Variants in TACR3 observed in about 807,000 individuals in gnomAD.
TACR3 encodes tachykinin receptor 3.
In TACR3, 34 loss-of-function variants were observed where a neutral mutation model predicts 35.0. The observed-to-expected ratio is 0.97, with a 90% CI of 0.74 to 1.30. The LOEUF (loss-of-function observed/expected upper bound fraction) is 1.30. Among genes scored for constraint, TACR3 ranks in the 50% most tolerant of loss-of-function variants. The probability of loss-of-function intolerance (pLI) is 0.00; values close to 1 mark genes in which losing one functional copy is unlikely to be tolerated. For synonymous variants in TACR3, 233 were observed against 221.1 expected, an observed-to-expected ratio of 1.05 and a Z score of -0.48; for missense variants, 558 against 591.7, an observed-to-expected ratio of 0.94 and a Z score of 0.59.
At chr4:103,704,683 A>G (rs1722746584) in intron 1 of TACR3, among the ~76,000 whole-genome samples, 1 of 152,120 alleles carries the variant, frequency 6.6e-6, no homozygotes, top group South Asian at 2.1e-4. Flanking sequence ...CCCTTGACAC[A>G]TAGGGATTAT....
chr4:103,616,897 A>T (rs1724672456), intron 3 of TACR3, among the ~76,000 whole-genome samples: 1 of 152,178 alleles, frequency 6.6e-6, no homozygotes, highest in Non-Finnish European at 1.5e-5. Flanking sequence ...GCAGTGAGCC[A>T]TGATCAGGCC....
Position 103,589,631 on chromosome 4 carries a change from A to G in TACR3, c.*51T>C. ...CTGGTAAATAGGAGAATGGGGTCCT[A>G]GACTGGCACCATGATGGTCTCACAC... On this transcript the variant is annotated 3_prime_UTR_variant, in exon 5 of 5. Coordinates refer to ENST00000304883, the MANE Select transcript of TACR3 (RefSeq NM_001059.3). 1 of 1,606,500 alleles carries G rather than the reference A, an allele frequency of 6.2e-7. No individual in the cohort carries two copies. Among genetic ancestry groups the G allele is most frequent in the Non-Finnish European group, 8.5e-7 (1 of 1,173,834 alleles).
intron 1 of TACR3, among the ~76,000 whole-genome samples, chr4:103,696,966 T>C (rs1722534107): frequency 2.0e-5 from 3 of 152,324 alleles, no homozygotes; most frequent in Middle Eastern, 6.8e-3. Flanking sequence ...CAGGCTGGTA[T>C]GCAGTGGTGC....
chr4:103,627,559 C>A (rs568935845), intron 3 of TACR3, among the ~76,000 whole-genome samples: 1 of 151,490 alleles, frequency 6.6e-6, no homozygotes, highest in Non-Finnish European at 1.5e-5. Flanking sequence ...TAAAAAAAGT[C>A]TTGGTAAAGG....
chr4:103,700,351 C>T (rs1722621951), intron 1 of TACR3, among the ~76,000 whole-genome samples: 1 of 152,154 alleles, frequency 6.6e-6, no homozygotes, highest in African/African-American at 2.4e-5. Context: ...CATACTTTCC[C>T]TTACTTACAG....
intron 3 of TACR3, among the ~76,000 whole-genome samples, chr4:103,643,912 C>T (rs140424947): frequency 6.6e-6 from 1 of 151,820 alleles, no homozygotes; most frequent in African/African-American, 2.4e-5. Context: ...CCATAGAGAA[C>T]CTTTTTCAGA....
At chr4:103,637,927 T>G (rs531404272) in intron 3 of TACR3, among the ~76,000 whole-genome samples, 2 of 151,642 alleles carry the variant, frequency 1.3e-5, no homozygotes, top group South Asian at 4.2e-4. Context: ...CACTGCTCAA[T>G]GAAATAAAAG....
chr4:103,638,055 C>A (rs1220846861), intron 3 of TACR3, among the ~76,000 whole-genome samples: 1 of 152,144 alleles, frequency 6.6e-6, no homozygotes, highest in Non-Finnish European at 1.5e-5. Flanking sequence ...CATGAAGCTA[C>A]CAATGACTTT....
chr4:103,612,059 A>ATAGAT (rs1440112442), intron 3 of TACR3, among the ~76,000 whole-genome samples: 1 of 152,190 alleles, frequency 6.6e-6, no homozygotes, highest in Non-Finnish European at 1.5e-5. Flanking sequence ...AAAATGTAAA[A>ATAGAT]TAGATTACCC....
chr4:103,659,667 G>C (rs1249230639), intron 1 of TACR3, among the ~76,000 whole-genome samples: 1 of 152,088 alleles, frequency 6.6e-6, no homozygotes, highest in African/African-American at 2.4e-5. Context: ...AAATATATTT[G>C]AGTCTCTAAA....
Position 103,587,919 on chromosome 4 carries a change from A to T in TACR3, c.*1763T>A, listed in dbSNP as rs1723806123. ...TGACCACTTATCATTTCAGTATTTGATTTTAATTCTTTGAAGTTGTTGCAT... is the reference window on the plus strand; with the variant it reads ...TGACCACTTATCATTTCAGTATTTGTTTTTAATTCTTTGAAGTTGTTGCAT... On this transcript the variant is annotated 3_prime_UTR_variant, in exon 5 of 5. Transcript: ENST00000304883. 6.6e-6 allele frequency: 1 copy of T among 151,970 alleles called. No homozygotes were observed. The highest frequency in any genetic ancestry group is 2.4e-5 in the African/African-American group (1 of 41,400). 9.4% of individuals were successfully genotyped at this position (151,970 alleles called of 1,614,324 possible). A position where few individuals can be genotyped will look rare whatever the true frequency, so the allele number is the denominator to read the frequency against.
Position 103,656,312 on chromosome 4 carries a change from C to A in TACR3, c.770G>T (p.Cys257Phe), listed in dbSNP as rs377430416. The A allele has an allele frequency of 6.2e-7, 1 of 1,612,632 alleles. No homozygotes were observed. The highest frequency in any genetic ancestry group is 1.1e-5 in the South Asian group (1 of 91,062). Residue 257 changes from cysteine to phenylalanine, a missense_variant, in exon 3 of 5, where the codon TGT becomes TTT. Coordinates refer to ENST00000304883, the MANE Select transcript of TACR3 (RefSeq NM_001059.3). ...AATACCCATGATGAGCAATGGGAAA[C>A]AGTACACCAGTATAATGACGATAAT... ...YHIIVIILVY[C>F]FPLLIMGITY...
rs191025419 is a variant in TACR3 at position 103,601,296 on chromosome 4, G to T, written c.889-9613C>A. Among the ~76,000 whole-genome samples the T allele has an allele frequency of 7.4e-4, 113 of 152,144 alleles. 3 individuals carry two copies. In the East Asian group the frequency reaches 0.016, roughly 22 times the overall value. On this transcript the variant is annotated intron_variant, in intron 3 of 4. Coordinates refer to ENST00000304883, the MANE Select transcript of TACR3 (RefSeq NM_001059.3). ...CTATGTGTGTCTCTGCATGTGAGAT[G>T]GGTTTCCTGAATACAGCACACTGAT...
At chr4:103,671,106 T>G (rs1726048967) in intron 1 of TACR3, among the ~76,000 whole-genome samples, 1 of 152,038 alleles carries the variant, frequency 6.6e-6, no homozygotes, top group South Asian at 2.1e-4. Context: ...ATGTAATGTT[T>G]CATGTTTATG....
At chr4:103,695,711 CTGTG>C (rs10603685) in intron 1 of TACR3, among the ~76,000 whole-genome samples, 3,896 of 146,154 alleles carry the variant, frequency 0.027, 165 homozygotes, top group African/African-American at 0.088. Context: ...GTCTCTCTCT[CTGTG>C]TGTGTGTGTG....
intron 3 of TACR3, among the ~76,000 whole-genome samples, chr4:103,635,446 G>A (rs1298148261): frequency 1.3e-5 from 2 of 151,920 alleles, no homozygotes; most frequent in African/African-American, 4.8e-5. Context: ...CCCTACCCCT[G>A]TGCAAAACAT....
At chr4:103,700,637 C>A (rs1328615364) in intron 1 of TACR3, among the ~76,000 whole-genome samples, 1 of 152,142 alleles carries the variant, frequency 6.6e-6, no homozygotes, top group Non-Finnish European at 1.5e-5. Flanking sequence ...CCAGGACTCT[C>A]TTGCCAGAAC....
intron 3 of TACR3, among the ~76,000 whole-genome samples, chr4:103,614,882 G>GTTTTTTTTTTTTTTTTTTTTTTTTT (rs1325226834): frequency 1.1e-5 from 1 of 90,816 alleles, no homozygotes; most frequent in Non-Finnish European, 2.2e-5. Context: ...GATTATGAAT[G>GTTTTTTTTTTTTTTTTTTTTTTTTT]TGTTTTTTTT....
intron 3 of TACR3, among the ~76,000 whole-genome samples, chr4:103,596,064 T>A (rs1178318022): frequency 6.6e-6 from 1 of 151,090 alleles, no homozygotes; most frequent in Non-Finnish European, 1.5e-5. Context: ...TCCATGTCCC[T>A]ACAAAGGACA....
Sources: allele counts gnomAD v4.1 joint callset (sites outside exome capture counted in the v4.1 genomes callset), GRCh38; gene constraint gnomAD v4.1.1; transcripts MANE v1.5; gene names NCBI Gene and HGNC (gene_info 2026-07-23, HGNC 2026-07-21).